Variants in EVC2 observed in about 807,000 individuals in gnomAD.
The protein encoded by EVC2 is limbin.
Under a neutral mutation model 149.3 loss-of-function variants are expected in EVC2, and 148 were observed. That is an observed-to-expected ratio of 0.99 (90% confidence interval 0.87 to 1.14). The LOEUF is 1.14. Among genes scored for constraint, EVC2 ranks in the 50% most tolerant of loss-of-function variants. The pLI, the probability that EVC2 is intolerant of heterozygous loss-of-function variation, is 0.00. For synonymous variants in EVC2, 776 were observed against 649.9 expected, an observed-to-expected ratio of 1.19 and a Z score of -2.95; for missense variants, 1,854 against 1,627.3, an observed-to-expected ratio of 1.14 and a Z score of -2.40.
intron 9 of EVC2, among the ~76,000 whole-genome samples, chr4:5,651,231 T>C (rs1351965225): frequency 7.7e-6 from 1 of 130,408 alleles, no homozygotes; most frequent in Non-Finnish European, 1.6e-5. Context: ...ATTGGATGGG[T>C]AGATGAAGTA....
chr4:5,660,847 C>T (rs1347946742), intron 9 of EVC2, among the ~76,000 whole-genome samples: 1 of 152,198 alleles, frequency 6.6e-6, no homozygotes, highest in Non-Finnish European at 1.5e-5. Flanking sequence ...TCCCATTCTT[C>T]ACTCACCAGA....
At chr4:5,558,164 A>G (rs1377558047), downstream of EVC2, among the ~76,000 whole-genome samples, 2 of 152,232 alleles carry the variant, frequency 1.3e-5, no homozygotes, top group Non-Finnish European at 2.9e-5. Flanking sequence ...AAGACTTACT[A>G]TATAGCTACA....
At chr4:5,609,029 T>A (rs898175140) in intron 16 of EVC2, among the ~76,000 whole-genome samples, 10 of 152,040 alleles carry the variant, frequency 6.6e-5, no homozygotes, top group African/African-American at 1.2e-4. Flanking sequence ...TGGCCTTGGG[T>A]CTCTCAGACT....
intron 19 of EVC2, among the ~76,000 whole-genome samples, chr4:5,571,223 C>A (rs954515225): frequency 2.1e-5 from 3 of 143,492 alleles, no homozygotes; most frequent in Non-Finnish European, 4.5e-5. Context: ...GAGGCCGAGG[C>A]AGGGGAATCG....
At chr4:5,607,805 C>G (rs538887192) in intron 16 of EVC2, among the ~76,000 whole-genome samples, 19 of 152,146 alleles carry the variant, frequency 1.2e-4, no homozygotes, top group African/African-American at 4.6e-4. Flanking sequence ...CTGTGAACAT[C>G]TCAAAAGCAG....
At position 5,618,434 on chromosome 4, in the gene EVC2, G is replaced by A; in HGVS notation, c.2706+44C>T. ...GACCCTGTAGGGCCAGCAGCTGGGA[G>A]ACGGCCCTGCTTCTGTAATCGGCCA... On this transcript the variant is annotated intron_variant, in intron 15 of 21. Transcript: ENST00000344408. The surrounding 1 kb of genome is among the most constrained non-coding windows in gnomAD (Gnocchi z 4.4). 1 of 1,608,718 alleles carries A rather than the reference G, an allele frequency of 6.2e-7. No individual in the cohort carries two copies. Among genetic ancestry groups the A allele is most frequent in the Non-Finnish European group, 8.5e-7 (1 of 1,177,132 alleles).
chr4:5,570,338 G>A (rs539454684), intron 19 of EVC2, among the ~76,000 whole-genome samples: 63 of 152,332 alleles, frequency 4.1e-4, no homozygotes, highest in African/African-American at 1.5e-3. Flanking sequence ...TCAATATGGG[G>A]ACAGGCCAGC....
chr4:5,534,368 T>C, the EVC2 span, among the ~76,000 whole-genome samples: 6 of 152,190 alleles, frequency 3.9e-5, no homozygotes, highest in African/African-American at 1.4e-4. Flanking sequence ...AGTGGATGGA[T>C]GGGTGGATAG....
chr4:5,648,030 TA>T (rs1448760474), intron 9 of EVC2, among the ~76,000 whole-genome samples: 1 of 152,180 alleles, frequency 6.6e-6, no homozygotes, highest in Non-Finnish European at 1.5e-5. Context: ...TCTTTTTTTT[TA>T]ATTGACAAGT....
intron 3 of EVC2, among the ~76,000 whole-genome samples, chr4:5,693,477 C>T (rs1326087924): frequency 6.6e-6 from 1 of 152,192 alleles, no homozygotes; most frequent in Non-Finnish European, 1.5e-5. Flanking sequence ...TCAAGTGATC[C>T]AGCCACAGCC....
chr4:5,548,676 A>G (rs972182066), intron 21 of EVC2, among the ~76,000 whole-genome samples: 4 of 152,208 alleles, frequency 2.6e-5, no homozygotes, highest in African/African-American at 9.6e-5. Context: ...CCCCTAAGCC[A>G]GAAATATGAT....
chr4:5,611,938 G>C (rs1285551484), intron 16 of EVC2, among the ~76,000 whole-genome samples: 2 of 152,162 alleles, frequency 1.3e-5, no homozygotes, highest in Non-Finnish European at 2.9e-5. Flanking sequence ...GTAAAATGCT[G>C]TAAATGACTA....
At position 5,618,362 on chromosome 4, in the gene EVC2, G is replaced by C. The variant is rs939906679; in HGVS notation, c.2706+116C>G. ...ACACCAATGCAGCCAGAGAGGAGAG[G>C]ATAGGGGAGCATGAGGTGAGATGGG... On this transcript the variant is annotated intron_variant, in intron 15 of 21. Transcript: ENST00000344408. The surrounding 1 kb of genome is among the most constrained non-coding windows in gnomAD (Gnocchi z 4.4). 75 of 1,145,144 alleles carry C rather than the reference G, an allele frequency of 6.5e-5. No individual in the cohort carries two copies. Among genetic ancestry groups the C allele is most frequent in the Middle Eastern group, 2.8e-4 (1 of 3,610 alleles). The allele number at this position is 1,145,144 out of a possible 1,614,324, so 70.9% of individuals were successfully genotyped here. A position where few individuals can be genotyped will look rare whatever the true frequency, so the allele number is the denominator to read the frequency against.
chr4:5,595,507 C>G (rs1035649243), intron 16 of EVC2, among the ~76,000 whole-genome samples: 1 of 152,120 alleles, frequency 6.6e-6, no homozygotes, highest in African/African-American at 2.4e-5. Flanking sequence ...ACTTTACAGA[C>G]AAGCAAATGC....
intron 9 of EVC2, among the ~76,000 whole-genome samples, chr4:5,651,997 A>G (rs2108880656): frequency 6.6e-6 from 1 of 152,348 alleles, no homozygotes; most frequent in Non-Finnish European, 1.5e-5. Flanking sequence ...GGCATCTGAC[A>G]CGGAGCCTTG....
Position 5,640,479 on chromosome 4 carries a change from G to C in EVC2, c.1470+35C>G. 1 of 1,611,406 alleles carries C rather than the reference G, an allele frequency of 6.2e-7. No homozygotes were observed. Among genetic ancestry groups the C allele is most frequent in the Non-Finnish European group, 8.5e-7 (1 of 1,177,606 alleles). On this transcript the variant is annotated intron_variant, in intron 10 of 21. Coordinates refer to ENST00000344408, the MANE Select transcript of EVC2 (RefSeq NM_147127.5). This position sits in a 1 kb window ranked among gnomAD's most constrained non-coding sequence, Gnocchi z 4.6. ...ATAAATGACAAATCCCTGAGAGAAA[G>C]GGAAGTGAACGCCTTCCTTTCAGAC... is the stretch of plus-strand genomic sequence containing the variant.
chr4:5,580,803 G>GTGTCCCCGCTTAAATC (rs57966881), intron 17 of EVC2, among the ~76,000 whole-genome samples: 151,410 of 152,230 alleles, frequency 0.99, 75,304 homozygotes, highest in Middle Eastern at 1. Context: ...GACTGAATTT[G>GTGTCCCCGCTTAAATC]TCATGTTGAA....
chr4:5,673,366 C>T (rs760035171), intron 7 of EVC2, among the ~76,000 whole-genome samples: 15 of 152,144 alleles, frequency 9.9e-5, no homozygotes, highest in Admixed American at 3.3e-4. Context: ...TGGGACCCAC[C>T]GCTGCAGTGA....
chr4:5,589,447 C>G (rs1712588704), intron 16 of EVC2, among the ~76,000 whole-genome samples: 1 of 152,174 alleles, frequency 6.6e-6, no homozygotes, highest in Non-Finnish European at 1.5e-5. Context: ...CTCAAGAGGA[C>G]CCAGTAGACA....
Sources: allele counts gnomAD v4.1 joint callset (sites outside exome capture counted in the v4.1 genomes callset), GRCh38; gene constraint gnomAD v4.1.1; non-coding constraint Gnocchi (gnomAD v3.1); transcripts MANE v1.5; gene names NCBI Gene and HGNC (gene_info 2026-07-23, HGNC 2026-07-21).